FBLN1: variants seen among roughly 807,000 people sequenced by gnomAD.
The protein encoded by FBLN1 is fibulin 1.
Under a neutral mutation model 89.7 loss-of-function variants are expected in FBLN1, and 34 were observed. That is an observed-to-expected ratio of 0.38 (90% CI 0.29 to 0.50). The LOEUF is 0.50. FBLN1 is among the 20% of genes least tolerant of loss of function. The pLI is 0.92. For synonymous variants in FBLN1, 393 were observed against 391.3 expected (o/e 1.00, Z -0.05); for missense variants, 777 against 988.1 (o/e 0.79, Z 2.86).
At position 45,584,863 on chromosome 22, in the gene FBLN1, C is replaced by T. The variant is rs181970232; in HGVS notation, c.1972+7755C>T. On this transcript the variant is annotated intron_variant, in intron 16 of 16. Coordinates refer to ENST00000327858, the MANE Select transcript of FBLN1 (RefSeq NM_006486.3). ...CCTGGGCTGGTGAGGCCGGCCTGGC[C>T]GGAAGCAAGTCAGCAAGCAGGCCTC... Among the ~76,000 whole-genome samples, 353 of 152,282 alleles carry T rather than the reference C, an allele frequency of 2.3e-3. 1 individual carries two copies. Among genetic ancestry groups the T allele is most frequent in the Non-Finnish European group, 3.4e-3 (234 of 68,012 alleles).
At chr22:45,503,201 A>T in intron 1 of FBLN1, 137 bp downstream of exon 1, 101 of 196,386 alleles carry the variant, frequency 5.1e-4, no homozygotes, top group Middle Eastern at 4.1e-3. Context: ...GTCAGCGCCG[A>T]GGCCTCGGCG....
intron 1 of FBLN1, among the ~76,000 whole-genome samples, chr22:45,513,140 A>G (rs894072857): frequency 1.3e-5 from 2 of 152,210 alleles, no homozygotes; most frequent in African/African-American, 4.8e-5. Flanking sequence ...GCATGAAAAC[A>G]ACATTGATTG....
At chr22:45,529,815 C>T (rs1602180114) in intron 4 of FBLN1, among the ~76,000 whole-genome samples, 1 of 152,076 alleles carries the variant, frequency 6.6e-6, no homozygotes, top group Non-Finnish European at 1.5e-5. Context: ...TGCAGTGAGC[C>T]GAGATGGCGC....
At position 45,535,207 on chromosome 22, in the gene FBLN1, C is replaced by T. The variant is rs144704783; in HGVS notation, c.792C>T (p.Asp264=). ...LTEDNSCKDI[D]ECESGIHNCL... is the part of the protein sequence containing the mutation. The stretch of plus-strand genomic sequence containing the variant: ...TTTTTTATGATGTACCAGATATTGA[C>T]GAGTGTGAGAGTGGTATTCATAACT... Residue 264 remains aspartate, a synonymous_variant, in exon 8 of 17, where the codon GAC becomes GAT. Coordinates refer to ENST00000327858, the MANE Select transcript of FBLN1 (RefSeq NM_006486.3). 7 of 1,614,092 alleles carry T rather than the reference C, an allele frequency of 4.3e-6. No individual in the cohort carries two copies. Among genetic ancestry groups the T allele is most frequent in the South Asian group, 1.1e-5 (1 of 91,088 alleles).
chr22:45,560,081 T>C (rs1040300917), intron 14 of FBLN1, among the ~76,000 whole-genome samples: 3 of 151,994 alleles, frequency 2.0e-5, no homozygotes, highest in African/African-American at 7.3e-5. Flanking sequence ...CTAGGAACAC[T>C]GTGATTAATT....
rs1055503671 is a variant in FBLN1, at chr22:45,526,532, C to G, written c.321+854C>G. Among the ~76,000 whole-genome samples the G allele has an allele frequency of 6.8e-5, 9 of 132,888 alleles. No individual in the cohort carries two copies. In the East Asian group the frequency reaches 9.1e-4, roughly 13 times the overall value. The allele number at this position is 132,888 out of a possible 152,430, so 87.2% of individuals were successfully genotyped here. On this transcript the variant is annotated intron_variant, in intron 3 of 16. Transcript: ENST00000327858. ...AGGTGCCAGATGACGAAAATGCATT[C>G]CCTGGAAGAAGCTTCCCGTTCCTTT...
Position 45,545,054 on chromosome 22 carries a change from A to G in FBLN1, c.1321+1528A>G, listed in dbSNP as rs5765462. On this transcript the variant is annotated intron_variant, in intron 11 of 16. Transcript: ENST00000327858. This position sits in a 1 kb window ranked among gnomAD's most constrained non-coding sequence, Gnocchi z 5.9. ...ACATGGCAGGTCCTAACATTTTGCCATGAGAATTTTCCTTCCTGATGAGAT... is the reference window on the plus strand; with the variant it reads ...ACATGGCAGGTCCTAACATTTTGCCGTGAGAATTTTCCTTCCTGATGAGAT... Among the ~76,000 whole-genome samples the G allele has an allele frequency of 0.36, 54,227 of 152,070 alleles. 10,388 individuals carry two copies. Among genetic ancestry groups the G allele is most frequent in the Middle Eastern group, 0.51 (151 of 294 alleles).
chr22:45,524,459 G>A (rs1257013628), intron 2 of FBLN1, among the ~76,000 whole-genome samples: 3 of 152,184 alleles, frequency 2.0e-5, no homozygotes, highest in Non-Finnish European at 4.4e-5. Context: ...CCAGAGCCCC[G>A]GCAGGGCTGG....
chr22:45,542,427 C>T, intron 10 of FBLN1, 144 bp downstream of exon 10: 1 of 1,185,236 alleles, frequency 8.4e-7, no homozygotes. Context: ...GATCCTGAGT[C>T]AGGAGACCCC....
Position 45,576,217 on chromosome 22 carries a change from G to C in FBLN1, c.1841-760G>C, listed in dbSNP as rs145686698. ...TATTTGCCTTTTGCAAAATGATGGG[G>C]TTTCACCAAACCACATACAAATCCT... On this transcript the variant is annotated intron_variant, in intron 15 of 16. Coordinates refer to ENST00000327858, the MANE Select transcript of FBLN1 (RefSeq NM_006486.3). The surrounding 1 kb of genome is among the most constrained non-coding windows in gnomAD (Gnocchi z 5.2). Among the ~76,000 whole-genome samples the C allele has an allele frequency of 6.6e-6, 1 of 152,188 alleles. No individual in the cohort carries two copies. The highest frequency in any genetic ancestry group is 1.5e-5 in the Non-Finnish European group (1 of 68,038).
At chr22:45,517,730 C>T (rs541223890) in intron 1 of FBLN1, 4 of 429,762 alleles carry the variant, frequency 9.3e-6, no homozygotes, top group African/African-American at 2.1e-5. Context: ...TCACCAGCCT[C>T]GGTTTCCTCA....
intron 14 of FBLN1, among the ~76,000 whole-genome samples, chr22:45,570,319 C>CAAAAAAAAAAAAAAAA (rs761469854): frequency 1.6e-4 from 6 of 36,410 alleles, no homozygotes; most frequent in East Asian, 9.0e-4. Context: ...GACTCTGTCT[C>CAAAAAAAAAAAAAAAA]AAAAAAAAAA....
chr22:45,564,922 G>A, intron 14 of FBLN1: 1 of 1,614,126 alleles, frequency 6.2e-7, no homozygotes, highest in Non-Finnish European at 8.5e-7. Context: ...ACCCCAGCGG[G>A]ATCAAGTAAA....
chr22:45,521,570 T>C (rs1192332863), intron 2 of FBLN1, among the ~76,000 whole-genome samples: 2 of 152,218 alleles, frequency 1.3e-5, no homozygotes, highest in African/African-American at 4.8e-5. Flanking sequence ...CTTTACCCTG[T>C]TCTCACTGGG....
At chr22:45,582,559 C>A (rs992762364) in intron 16 of FBLN1, among the ~76,000 whole-genome samples, 2 of 152,202 alleles carry the variant, frequency 1.3e-5, no homozygotes, top group Non-Finnish European at 2.9e-5. Context: ...TTTCCAGGAC[C>A]CCTCCCAGCC....
chr22:45,533,968 C>T (rs1367093163), intron 7 of FBLN1, 70 bp downstream of exon 7: 11 of 1,599,964 alleles, frequency 6.9e-6, no homozygotes, highest in Non-Finnish European at 9.4e-6. Flanking sequence ...GGAAGGGCAG[C>T]TCTGGGGTCT....
chr22:45,527,064 G>A (rs957444983), intron 3 of FBLN1, among the ~76,000 whole-genome samples: 1 of 152,236 alleles, frequency 6.6e-6, no homozygotes, highest in Non-Finnish European at 1.5e-5. Flanking sequence ...GCAGCGGAGG[G>A]CGTAGAATAA....
At chr22:45,539,177 G>GCCT (rs1375888692) in intron 8 of FBLN1, among the ~76,000 whole-genome samples, 2 of 85,948 alleles carry the variant, frequency 2.3e-5, no homozygotes, top group African/African-American at 8.5e-5. Context: ...CTCCCTCCCC[G>GCCT]CCTCCCCCTT....
At chr22:45,516,257 A>T (rs1199391647) in intron 1 of FBLN1, among the ~76,000 whole-genome samples, 2 of 151,806 alleles carry the variant, frequency 1.3e-5, no homozygotes, top group East Asian at 3.9e-4. Context: ...GTGGGGACAG[A>T]CATGGGAACC....
Sources: allele counts gnomAD v4.1 joint callset (sites outside exome capture counted in the v4.1 genomes callset), GRCh38; gene constraint gnomAD v4.1.1; non-coding constraint Gnocchi (gnomAD v3.1); transcripts MANE v1.5; gene names NCBI Gene and HGNC (gene_info 2026-07-23, HGNC 2026-07-21).